GRIK2: variants seen among roughly 807,000 people sequenced by gnomAD.
GRIK2 encodes the protein glutamate ionotropic receptor kainate type subunit 2.
In GRIK2, 32 loss-of-function variants were observed where a neutral mutation model predicts 100.3. The observed-to-expected ratio is 0.32, with a 90% CI of 0.24 to 0.43. The LOEUF is 0.43. Ranked by LOEUF, GRIK2 falls within the 20% of genes least tolerant of loss-of-function variation. The pLI is 1.00. For synonymous variants in GRIK2, 417 were observed against 389.4 expected, an observed-to-expected ratio of 1.07 and a Z score of -0.83; for missense variants, 843 against 1,114.9, an observed-to-expected ratio of 0.76 and a Z score of 3.47.
At chr6:101,664,839 T>G (rs1769893928) in intron 4 of GRIK2, among the ~76,000 whole-genome samples, 1 of 152,148 alleles carries the variant, frequency 6.6e-6, no homozygotes, top group Non-Finnish European at 1.5e-5. Flanking sequence ...ACATCTTACA[T>G]GGTGGCAGGC....
intron 15 of GRIK2, among the ~76,000 whole-genome samples, chr6:102,040,165 A>G (rs546132054): frequency 1.2e-3 from 187 of 151,680 alleles, no homozygotes; most frequent in African/African-American, 4.4e-3. Flanking sequence ...TACATGAAGA[A>G]TGTAAAGATA....
chr6:101,889,605 C>CTTTTTTTTTTTTTTTTGT, intron 11 of GRIK2, 35 bp from the exon 12 acceptor site: 1 of 711,240 alleles, frequency 1.4e-6, no homozygotes. Context: ...TTCTTTCTTT[C>CTTTTTTTTTTTTTTTTGT]TTTTTTTTTT....
intron 14 of GRIK2, among the ~76,000 whole-genome samples, chr6:101,992,506 A>G (rs951361580): frequency 6.6e-6 from 1 of 151,698 alleles, no homozygotes; most frequent in African/African-American, 2.4e-5. Flanking sequence ...TGCTTAATGC[A>G]GCTCCACTTT....
intron 7 of GRIK2, among the ~76,000 whole-genome samples, chr6:101,783,242 C>T (rs1314269110): frequency 6.6e-6 from 1 of 152,022 alleles, no homozygotes; most frequent in African/African-American, 2.4e-5. Context: ...TGGTTTCACC[C>T]ATGTTGTTCT....
rs1442145074 is a variant in GRIK2 at position 101,922,107 on chromosome 6, CCTT to C, written c.1749-2492_1749-2490del. ...TCCTTCCTTCCTTCCTTCCTTCCTT[CCTT>C]CCTTCCTTCCTTCCTTCCTTCCTTC... On this transcript the variant is annotated intron_variant, in intron 12 of 16. Transcript: ENST00000369134. 4.7e-3 allele frequency among the ~76,000 whole-genome samples: 88 copies of C among 18,582 alleles called. 2 individuals carry two copies. Among genetic ancestry groups the C allele is most frequent in the African/African-American group, 0.02 (84 of 4,162 alleles). 12.2% of individuals were successfully genotyped at this position (18,582 alleles called of 152,430 possible).
At chr6:101,646,365 A>G (rs1315925115) in intron 4 of GRIK2, among the ~76,000 whole-genome samples, 2 of 151,990 alleles carry the variant, frequency 1.3e-5, no homozygotes, top group Non-Finnish European at 2.9e-5. Context: ...GACAAGATTT[A>G]CATATGTTGC....
At chr6:101,905,967 C>A (rs1253621988) in intron 12 of GRIK2, among the ~76,000 whole-genome samples, 3 of 151,346 alleles carry the variant, frequency 2.0e-5, no homozygotes, top group Middle Eastern at 6.5e-3. Context: ...ACTAGAGCAA[C>A]TAAAGAAAAT....
At chr6:102,062,596 G>A (rs561648075) in intron 16 of GRIK2, among the ~76,000 whole-genome samples, 44 of 150,586 alleles carry the variant, frequency 2.9e-4, no homozygotes, top group African/African-American at 1.0e-3. Context: ...TTTTTTTAAA[G>A]ATAGCTGCTC....
chr6:102,046,122 TAAATC>T (rs757743119), intron 15 of GRIK2, among the ~76,000 whole-genome samples: 64 of 152,070 alleles, frequency 4.2e-4, no homozygotes, highest in Non-Finnish European at 4.4e-4. Flanking sequence ...AAGGAGGAAA[TAAATC>T]AAGAGGACAT....
intron 16 of GRIK2, among the ~76,000 whole-genome samples, chr6:102,061,315 C>T (rs1397087967): frequency 2.0e-5 from 3 of 150,388 alleles, no homozygotes; most frequent in African/African-American, 4.8e-5. Flanking sequence ...TACAAAACTA[C>T]CCTAAGAGCC....
At chr6:101,577,209 A>G (rs1394295899) in intron 2 of GRIK2, among the ~76,000 whole-genome samples, 1 of 152,000 alleles carries the variant, frequency 6.6e-6, no homozygotes, top group African/African-American at 2.4e-5. Flanking sequence ...TGCATCTGAC[A>G]TAGGGAGTTC....
chr6:101,866,794 CCCATTTA>C (rs1169840015), intron 11 of GRIK2, among the ~76,000 whole-genome samples: 2 of 150,826 alleles, frequency 1.3e-5, no homozygotes, highest in Non-Finnish European at 2.9e-5. Flanking sequence ...CTTTGAATTC[CCCATTTA>C]CTTCATTCCT....
At chr6:101,674,355 GTGTAGGAAC>G (rs1770668380) in intron 4 of GRIK2, among the ~76,000 whole-genome samples, 1 of 152,158 alleles carries the variant, frequency 6.6e-6, no homozygotes, top group Non-Finnish European at 1.5e-5. Context: ...ACCTTTCAAA[GTGTAGGAAC>G]TACTGACTTA....
chr6:101,837,499 C>T (rs1403178038), intron 10 of GRIK2, among the ~76,000 whole-genome samples: 1 of 152,140 alleles, frequency 6.6e-6, no homozygotes, highest in Non-Finnish European at 1.5e-5. Context: ...AACATTGTTT[C>T]ATAAGCCCTA....
At chr6:101,628,496 A>G (rs1379864755) in intron 4 of GRIK2, among the ~76,000 whole-genome samples, 6 of 152,070 alleles carry the variant, frequency 3.9e-5, no homozygotes, top group Admixed American at 2.0e-4. Context: ...TTCTTCCTAA[A>G]TCATTACTTC....
At chr6:101,839,532 A>G in intron 10 of GRIK2, among the ~76,000 whole-genome samples, 1 of 152,322 alleles carries the variant, frequency 6.6e-6, no homozygotes, top group Non-Finnish European at 1.5e-5. Context: ...ATGATATTAA[A>G]GAAATTTTGA....
chr6:101,450,649 T>C (rs1770623558), intron 2 of GRIK2, among the ~76,000 whole-genome samples: 3 of 151,642 alleles, frequency 2.0e-5, no homozygotes, highest in Admixed American at 1.3e-4. Context: ...GCCTACATAA[T>C]AGAGTTCATC....
intron 4 of GRIK2, among the ~76,000 whole-genome samples, chr6:101,634,310 A>G (rs913333043): frequency 3.3e-5 from 5 of 152,146 alleles, no homozygotes; most frequent in African/African-American, 1.2e-4. Context: ...GAATTACTCT[A>G]TGTTCCTAGT....
chr6:101,434,805 C>T (rs192927470), intron 2 of GRIK2, among the ~76,000 whole-genome samples: 1 of 152,018 alleles, frequency 6.6e-6, no homozygotes, highest in East Asian at 1.9e-4. Flanking sequence ...GTAAATGGGG[C>T]ACTTCTCTCC....
Sources: gnomAD v4.1 joint callset for allele counts (sites outside exome capture counted in the v4.1 genomes callset) on GRCh38, gnomAD v4.1.1 for gene constraint, MANE v1.5 for transcripts, NCBI Gene and HGNC (gene_info 2026-07-23, HGNC 2026-07-21) for gene names.